Variants in GAD2 observed in about 807,000 individuals in gnomAD.
The protein encoded by GAD2 is glutamate decarboxylase 2.
GAD2 carries 22 observed loss-of-function variants against 80.1 expected under a neutral mutation model. The observed-to-expected ratio is 0.27, with a 90% CI of 0.20 to 0.39. The LOEUF is 0.39. Among genes scored for constraint, GAD2 ranks in the 10% least tolerant of loss-of-function variants. The pLI, the probability that GAD2 is intolerant of heterozygous loss-of-function variation, is 1.00. For synonymous variants in GAD2, 274 were observed against 256.9 expected, an observed-to-expected ratio of 1.07 and a Z score of -0.64; for missense variants, 624 against 738.4, an observed-to-expected ratio of 0.85 and a Z score of 1.80.
chr10:26,225,719 G>A (rs1844513298), intron 6 of GAD2, among the ~76,000 whole-genome samples: 1 of 152,232 alleles, frequency 6.6e-6, no homozygotes, highest in Admixed American at 6.5e-5. Flanking sequence ...TTGCCTGCAA[G>A]CTCTGGTCAG....
chr10:26,242,631 C>T (rs8190658), intron 7 of GAD2, among the ~76,000 whole-genome samples: 4,529 of 152,202 alleles, frequency 0.03, 247 homozygotes, highest in African/African-American at 0.1. Flanking sequence ...TAAACAGACT[C>T]GATGTTTGCT....
intron 7 of GAD2, among the ~76,000 whole-genome samples, chr10:26,243,390 C>A (rs972376019): frequency 6.6e-6 from 1 of 152,198 alleles, no homozygotes; most frequent in Non-Finnish European, 1.5e-5. Flanking sequence ...AGAGAGAGGA[C>A]CCTCTTAGGA....
intron 7 of GAD2, among the ~76,000 whole-genome samples, chr10:26,231,409 A>G (rs773570950): frequency 1.3e-5 from 2 of 152,248 alleles, no homozygotes; most frequent in Non-Finnish European, 2.9e-5. Flanking sequence ...TGACAAGGAA[A>G]TAGATTGGAA....
intron 15 of GAD2, among the ~76,000 whole-genome samples, chr10:26,300,314 A>G (rs1834315089): frequency 6.6e-6 from 1 of 152,232 alleles, no homozygotes; most frequent in Non-Finnish European, 1.5e-5. Flanking sequence ...AACGAAAAGA[A>G]ACTAGAAAGC....
At chr10:26,231,369 T>A (rs1434427183) in intron 7 of GAD2, among the ~76,000 whole-genome samples, 1 of 152,190 alleles carries the variant, frequency 6.6e-6, no homozygotes, top group African/African-American at 2.4e-5. Flanking sequence ...TGTGTGTGTG[T>A]CTGTCTCTGT....
At chr10:26,218,508 C>CACACACATGCAG (rs1339720204) in intron 3 of GAD2, among the ~76,000 whole-genome samples, 3 of 151,780 alleles carry the variant, frequency 2.0e-5, no homozygotes, top group African/African-American at 7.3e-5. Flanking sequence ...TACGCGCGCA[C>CACACACATGCAG]ACACACATGC....
At chr10:26,297,839 T>C (rs1314041070) in intron 15 of GAD2, among the ~76,000 whole-genome samples, 2 of 152,134 alleles carry the variant, frequency 1.3e-5, no homozygotes, top group Middle Eastern at 3.2e-3. Context: ...GTCATACATA[T>C]TCAGTAGGTT....
intron 4 of GAD2, 171 bp downstream of exon 4, chr10:26,219,447 T>C: frequency 1.9e-6 from 1 of 538,608 alleles, no homozygotes; most frequent in Non-Finnish European, 3.3e-6. Flanking sequence ...CAAAGCACCT[T>C]CCACTGCTAT....
chr10:26,275,226 G>A (rs7911425), intron 11 of GAD2, among the ~76,000 whole-genome samples: 19,699 of 152,202 alleles, frequency 0.13, 1,511 homozygotes, highest in African/African-American at 0.22. Flanking sequence ...CAAGAGAGGT[G>A]GCCTATGTAC....
intron 8 of GAD2, among the ~76,000 whole-genome samples, chr10:26,263,674 C>A (rs1167854515): frequency 1.3e-5 from 2 of 152,232 alleles, no homozygotes; most frequent in African/African-American, 4.8e-5. Flanking sequence ...TTTTGCCTAG[C>A]ACTGACTAGT....
intron 3 of GAD2, among the ~76,000 whole-genome samples, chr10:26,218,535 G>GCTCT (rs143813747): frequency 0.032 from 4,081 of 127,888 alleles, 217 homozygotes; most frequent in African/African-American, 0.11. Context: ...ACATGCATAC[G>GCTCT]CTCTCTCTCT....
chr10:26,240,109 G>A (rs563141989), intron 7 of GAD2, among the ~76,000 whole-genome samples: 1 of 152,182 alleles, frequency 6.6e-6, no homozygotes, highest in Non-Finnish European at 1.5e-5. Context: ...TAATAGAGGA[G>A]GAGAAACCGG....
intron 10 of GAD2, among the ~76,000 whole-genome samples, chr10:26,271,207 A>G (rs1368744510): frequency 6.6e-6 from 1 of 152,218 alleles, no homozygotes; most frequent in East Asian, 1.9e-4. Flanking sequence ...ATATTCCTGT[A>G]TTTAGAGAGG....
intron 11 of GAD2, among the ~76,000 whole-genome samples, chr10:26,273,936 A>G (rs1308593342): frequency 6.6e-6 from 1 of 152,186 alleles, no homozygotes; most frequent in Non-Finnish European, 1.5e-5. Flanking sequence ...CAAGCGACCC[A>G]GGTAGAATCT....
chr10:26,236,986 C>T (rs948727377), intron 7 of GAD2, among the ~76,000 whole-genome samples: 2 of 152,198 alleles, frequency 1.3e-5, no homozygotes, highest in African/African-American at 4.8e-5. Flanking sequence ...GGGGATATTC[C>T]CATCGCACTC....
chr10:26,246,500 G>T (rs934895896), intron 8 of GAD2, among the ~76,000 whole-genome samples: 1 of 152,202 alleles, frequency 6.6e-6, no homozygotes, highest in African/African-American at 2.4e-5. Context: ...GGGACTCTGG[G>T]ATTCAGTGCG....
At chr10:26,218,295 G>T (rs78418694) in intron 3 of GAD2, 4,470 of 318,154 alleles carry the variant, frequency 0.014, 174 homozygotes, top group African/African-American at 0.083. Context: ...AATCGATGAC[G>T]GCTGGCTTCC....
At chr10:26,281,816 A>G (rs1845275172) in intron 12 of GAD2, among the ~76,000 whole-genome samples, 2 of 151,738 alleles carry the variant, frequency 1.3e-5, no homozygotes, top group Non-Finnish European at 2.9e-5. Context: ...ATAGTTCCTC[A>G]CTCCCACATT....
chr10:26,253,585 T>C (rs899481709), intron 8 of GAD2, among the ~76,000 whole-genome samples: 1 of 152,182 alleles, frequency 6.6e-6, no homozygotes, highest in Non-Finnish European at 1.5e-5. Flanking sequence ...GTATGGATGA[T>C]AATTTGGAAG....
Sources: allele counts gnomAD v4.1 joint callset (sites outside exome capture counted in the v4.1 genomes callset), GRCh38; gene constraint gnomAD v4.1.1; transcripts MANE v1.5; gene names NCBI Gene and HGNC (gene_info 2026-07-23, HGNC 2026-07-21).